The following TP63 variants were observed in gnomAD, a reference collection of about 807,000 sequenced individuals.
TP63 encodes tumor protein 63.
In TP63, 17 loss-of-function variants were observed where a neutral mutation model predicts 82.8. The observed-to-expected ratio is 0.21, with a 90% confidence interval of 0.14 to 0.31. TP63 has a LOEUF of 0.31. TP63 is among the 10% of genes least tolerant of loss of function. The probability of loss-of-function intolerance (pLI) is 1.00; values close to 1 mark genes in which losing one functional copy is unlikely to be tolerated. For synonymous variants in TP63, 330 were observed against 321.7 expected (o/e 1.03, Z -0.28); for missense variants, 648 against 895.3 (o/e 0.72, Z 3.52).
At chr3:189,781,318 C>T (rs1013230219) in intron 3 of TP63, among the ~76,000 whole-genome samples, 4 of 152,152 alleles carry the variant, frequency 2.6e-5, no homozygotes, top group Non-Finnish European at 5.9e-5. Context: ...TATCCACCCT[C>T]GTGGTTCATG....
intron 3 of TP63, among the ~76,000 whole-genome samples, chr3:189,790,378 G>A (rs993364179): frequency 6.6e-6 from 1 of 152,050 alleles, no homozygotes; most frequent in Non-Finnish European, 1.5e-5. Context: ...CTGTGATAAC[G>A]TTTCTGTCGT....
chr3:189,888,001 C>T (rs1037849551), intron 11 of TP63, among the ~76,000 whole-genome samples: 21 of 152,144 alleles, frequency 1.4e-4, no homozygotes, highest in East Asian at 7.7e-4. Flanking sequence ...GGATTACAGG[C>T]GTGCACCACC....
chr3:189,771,325 T>A (rs1193063970), intron 3 of TP63, among the ~76,000 whole-genome samples: 1 of 134,004 alleles, frequency 7.5e-6, no homozygotes, highest in African/African-American at 3.0e-5. Context: ...ATTATATATT[T>A]ATATATAATA....
chr3:189,713,404 G>A (rs1050785005), intron 1 of TP63, among the ~76,000 whole-genome samples: 14 of 152,130 alleles, frequency 9.2e-5, no homozygotes, highest in African/African-American at 3.1e-4. Flanking sequence ...TCTGGTCCTT[G>A]AGTTTTTGGA....
chr3:189,783,849 TG>T (rs775902598), intron 3 of TP63, among the ~76,000 whole-genome samples: 12 of 151,944 alleles, frequency 7.9e-5, no homozygotes, highest in Non-Finnish European at 1.6e-4. Context: ...AAATGTAATT[TG>T]GTGCAGTCTT....
chr3:189,682,420 G>T (rs1715994748), intron 1 of TP63, among the ~76,000 whole-genome samples: 2 of 146,196 alleles, frequency 1.4e-5, no homozygotes, highest in African/African-American at 2.5e-5. Context: ...TTCTTACACT[G>T]CTACCTTAAA....
intron 3 of TP63, among the ~76,000 whole-genome samples, chr3:189,775,262 A>G (rs1016491784): frequency 6.6e-5 from 10 of 151,412 alleles, no homozygotes; most frequent in Admixed American, 2.0e-4. Context: ...AAAGAAAAAA[A>G]TTGACTTGTA....
At chr3:189,880,742 G>C in intron 10 of TP63, 18 of 985,392 alleles carry the variant, frequency 1.8e-5, no homozygotes, top group Non-Finnish European at 1.8e-5. Context: ...GCTGGGCAGC[G>C]AGGTGATCAT....
intron 4 of TP63, among the ~76,000 whole-genome samples, chr3:189,810,554 C>T (rs1727432961): frequency 6.6e-6 from 1 of 151,978 alleles, no homozygotes; most frequent in African/African-American, 2.4e-5. Context: ...TCCTCACTAC[C>T]TCCTCATATA....
chr3:189,602,219 G>C, the TP63 span, among the ~76,000 whole-genome samples: 1 of 152,130 alleles, frequency 6.6e-6, no homozygotes, highest in South Asian at 2.1e-4. Context: ...AAAATAAAAG[G>C]CTAATTCAAA....
chr3:189,761,712 T>G (rs1240983834), intron 3 of TP63, among the ~76,000 whole-genome samples: 4 of 152,180 alleles, frequency 2.6e-5, no homozygotes, highest in Admixed American at 6.5e-5. Flanking sequence ...TGGTACTAAT[T>G]TACTGTATTA....
chr3:189,868,602 T>A lies in TP63; in HGVS notation c.1015T>A (p.Cys339Ser). 1.2e-6 allele frequency: 2 copies of A among 1,614,124 alleles called. No homozygotes were observed. The highest frequency in any genetic ancestry group is 1.7e-6 in the Non-Finnish European group (2 of 1,180,000). Reference protein sequence around the residue: ...TRDGQVLGRRCFEARICACPG... With the variant: ...TRDGQVLGRRSFEARICACPG... The stretch of plus-strand genomic sequence containing the variant: ...TAGTGGGCAAGTCCTGGGCCGACGC[T>A]GCTTTGAGGCCCGGATCTGTGCTTG... Residue 339 changes from cysteine to serine, a missense_variant, in exon 8 of 14, where the codon TGC (cysteine) becomes AGC (serine). Cys to Ser is a moderately radical substitution (Grantham distance 112). Transcript: ENST00000264731.
chr3:189,630,912 C>T (rs1346893746), upstream of TP63, among the ~76,000 whole-genome samples: 6 of 139,988 alleles, frequency 4.3e-5, no homozygotes, highest in East Asian at 2.5e-4. Flanking sequence ...AACTGAAGGG[C>T]GGGGAGGGAG....
chr3:189,889,253 T>A, intron 11 of TP63, 87 bp from the exon 12 acceptor site: 1 of 1,600,698 alleles, frequency 6.2e-7, no homozygotes, highest in South Asian at 1.1e-5. Flanking sequence ...AGGCCCTTGA[T>A]AAAATTTAAC....
the TP63 span, among the ~76,000 whole-genome samples, chr3:189,617,477 T>C: frequency 6.6e-6 from 1 of 152,222 alleles, no homozygotes; most frequent in Non-Finnish European, 1.5e-5. Context: ...CTAGCAAAGA[T>C]GTCACCCTCC....
chr3:189,629,724 A>G (rs1017313761), upstream of TP63, among the ~76,000 whole-genome samples: 1 of 152,204 alleles, frequency 6.6e-6, no homozygotes, highest in African/African-American at 2.4e-5. Flanking sequence ...CCTCACGGGC[A>G]CATTAAAACT....
intron 1 of TP63, among the ~76,000 whole-genome samples, chr3:189,717,791 C>T (rs901356829): frequency 1.3e-5 from 2 of 152,032 alleles, no homozygotes; most frequent in Non-Finnish European, 2.9e-5. Flanking sequence ...TTTCTTTTAG[C>T]TTGAAATTGG....
At chr3:189,696,976 G>A (rs1046102868) in intron 1 of TP63, among the ~76,000 whole-genome samples, 64 of 152,010 alleles carry the variant, frequency 4.2e-4, no homozygotes, top group African/African-American at 1.5e-3. Flanking sequence ...TCCCCAGCCT[G>A]AAGCTTGTCT....
At chr3:189,844,895 C>T (rs1714667520) in intron 4 of TP63, among the ~76,000 whole-genome samples, 1 of 152,120 alleles carries the variant, frequency 6.6e-6, no homozygotes, top group Non-Finnish European at 1.5e-5. Context: ...CTAAATCTTG[C>T]CTCCCACCAG....
Sources: allele counts gnomAD v4.1 joint callset (sites outside exome capture counted in the v4.1 genomes callset), GRCh38; gene constraint gnomAD v4.1.1; transcripts MANE v1.5; gene names NCBI Gene and HGNC (gene_info 2026-07-23, HGNC 2026-07-21).